The following ZNF347 variants were observed in gnomAD, a reference collection of about 807,000 sequenced individuals.
ZNF347 encodes zinc finger protein 347.
ZNF347 carries 19 observed loss-of-function variants against 12.9 expected under a neutral mutation model. The ratio of observed to expected loss-of-function variants is 1.47; its 90% CI spans 1.03 to 2.16. The LOEUF (loss-of-function observed/expected upper bound fraction) is 2.16, where lower values mean the gene tolerates loss of function less well. ZNF347 is among the 30% of genes most tolerant of loss of function. The probability of loss-of-function intolerance (pLI) is 0.00; values close to 1 mark genes in which losing one functional copy is unlikely to be tolerated. For missense variants in ZNF347, 1,005 were observed against 990.6 expected (o/e 1.01, Z -0.19); for synonymous variants, 328 against 340.6 (o/e 0.96, Z 0.41).
rs780816358 is a variant in ZNF347, at chr19:53,141,093, T to C, written c.1735A>G (p.Thr579Ala). 1 of 1,614,042 alleles carries C rather than the reference T, an allele frequency of 6.2e-7. No individual in the cohort carries two copies. Among genetic ancestry groups the C allele is most frequent in the South Asian group, 1.1e-5 (1 of 91,080 alleles). The part of the protein sequence containing the change: ...YKCNECGKVF[T>A]QNSHLARHRG... ...TGTCTTGCAAGGTGTGAATTCTGAG[T>C]GAAGACCTTGCCACACTCATTACAT... Residue 579 changes from threonine to alanine, a missense_variant, in exon 5 of 5, where the codon ACT becomes GCT. By Grantham distance (58) the Thr-to-Ala change is moderately conservative. Coordinates refer to ENST00000334197, the MANE Select transcript of ZNF347 (RefSeq NM_032584.3).
Position 53,141,211 on chromosome 19 carries a change from C to A in ZNF347, c.1617G>T (p.Lys539Asn). The change falls in exon 5 of 5, where the codon AAG becomes AAT. Residue 539 changes from lysine (K) to asparagine (N), a missense_variant. By Grantham distance (94) the Lys-to-Asn change is moderately conservative (BLOSUM62 0). Transcript: ENST00000334197. Reference sequence around the variant, plus strand: ...TGCCGCACTCATTACACATATAAGGCTTCACTCCAGTATGAATTCTTTGAT... The same window carrying A: ...TGCCGCACTCATTACACATATAAGGATTCACTCCAGTATGAATTCTTTGAT... ...ANHQRIHTGV[K>N]PYMCNECGKA... 1 of 1,596,788 alleles carries A rather than the reference C, an allele frequency of 6.3e-7. No homozygotes were observed.
At position 53,140,065 on chromosome 19, in the gene ZNF347, T is replaced by C; in HGVS notation, c.*243A>G. On this transcript the variant is annotated 3_prime_UTR_variant, in exon 5 of 5. Coordinates refer to ENST00000334197, the MANE Select transcript of ZNF347 (RefSeq NM_032584.3). ...ACAGGCGCACGCCACCAGGCCTAGC[T>C]AATTGTGTACTTTTAGTAGAAATGG... 4.7e-6 allele frequency: 2 copies of C among 422,726 alleles called. No individual in the cohort carries two copies. The highest frequency in any genetic ancestry group is 8.3e-6 in the Non-Finnish European group (2 of 239,682). 26.2% of individuals were successfully genotyped at this position (422,726 alleles called of 1,614,324 possible). A position where few individuals can be genotyped will look rare whatever the true frequency, so the allele number is the denominator to read the frequency against.
In ZNF347 at chr19:53,153,798, G is replaced by T. The variant is rs564455918; in HGVS notation, c.-46-5C>A. The stretch of plus-strand genomic sequence containing the variant: ...CCTCTTCTTCAAGGGTTCTTCCTTA[G>T]GTAACAGGAAAGTGCCTTTAGAAGT... On this transcript the variant is annotated splice_region_variant and splice_polypyrimidine_tract_variant and intron_variant, in intron 1 of 4. Coordinates refer to ENST00000334197, the MANE Select transcript of ZNF347 (RefSeq NM_032584.3). 4 of 1,613,234 alleles carry T rather than the reference G, an allele frequency of 2.5e-6. No homozygotes were observed. Among genetic ancestry groups the T allele is most frequent in the Non-Finnish European group, 3.4e-6 (4 of 1,179,358 alleles).
At position 53,136,904 on chromosome 19, in the gene ZNF347, T is replaced by C. The variant is rs1039890931; in HGVS notation, c.*3404A>G. On this transcript the variant is annotated 3_prime_UTR_variant, in exon 5 of 5. Transcript: ENST00000334197. ...AAGAAGTTAGAAATTTCTTTTGTTT[T>C]TTTGAGAGTCTCACTCTATTGCCCA... The C allele has an allele frequency of 3.9e-5, 6 of 152,166 alleles. No homozygotes were observed. The highest frequency in any genetic ancestry group is 8.8e-5 in the Non-Finnish European group (6 of 68,040). 9.4% of individuals were successfully genotyped at this position (152,166 alleles called of 1,614,324 possible).
At chr19:53,149,644 C>T (rs1251694774) in intron 2 of ZNF347, 2 of 441,154 alleles carry the variant, frequency 4.5e-6, no homozygotes, top group Admixed American at 4.1e-5. Flanking sequence ...AAGACCAAGG[C>T]TGGATTACAG....
intron 1 of ZNF347, among the ~76,000 whole-genome samples, chr19:53,156,749 G>A (rs1599862578): frequency 6.6e-6 from 1 of 152,182 alleles, no homozygotes; most frequent in Non-Finnish European, 1.5e-5. Context: ...ATAGCTGGTC[G>A]CTCAGAAGTT....
chr19:53,148,620 CAT>C (rs1169678388), intron 4 of ZNF347, 59 bp downstream of exon 4: 23 of 1,534,230 alleles, frequency 1.5e-5, no homozygotes, highest in Non-Finnish European at 2.6e-6. Context: ...CTCAGATTTG[CAT>C]AGAGTTTCCC....
chr19:53,146,267 G>A (rs1339823308), intron 4 of ZNF347, among the ~76,000 whole-genome samples: 1 of 151,984 alleles, frequency 6.6e-6, no homozygotes, highest in Non-Finnish European at 1.5e-5. Context: ...GAGCCACCGT[G>A]CCCGGCCTAA....
At chr19:53,149,589 C>A in intron 2 of ZNF347, 1 of 806,986 alleles carries the variant, frequency 1.2e-6, no homozygotes. Flanking sequence ...TGACTGGTGG[C>A]TGGAGGCCCC....
intron 2 of ZNF347, among the ~76,000 whole-genome samples, chr19:53,153,091 T>C (rs1434299216): frequency 6.6e-6 from 1 of 152,140 alleles, no homozygotes; most frequent in African/African-American, 2.4e-5. Context: ...CTCCATTGTA[T>C]GGGTTTTCTG....
rs142157721 is a variant in ZNF347, at chr19:53,148,743, T to C, written c.209A>G (p.Glu70Gly). The C allele has an allele frequency of 1.1e-5, 17 of 1,613,782 alleles. No individual in the cohort carries two copies. The highest frequency in any genetic ancestry group is 1.4e-5 in the Non-Finnish European group (17 of 1,179,686). ...GTTTCCTGCTATTTGTACTTGGCTC[T>C]CCAAAGTGAAAGGCTCCTTCCCTTG... ...LEQGKEPFTLESQVQIAGNPD... is the reference protein window; with the variant it reads ...LEQGKEPFTLGSQVQIAGNPD... Residue 70 changes from glutamate to glycine, a missense_variant, in exon 4 of 5, where the codon GAG (glutamate) becomes GGG (glycine). Coordinates refer to ENST00000334197, the MANE Select transcript of ZNF347 (RefSeq NM_032584.3).
At chr19:53,148,653 C>A (rs979459674) in intron 4 of ZNF347, 28 bp downstream of exon 4, 1 of 1,595,452 alleles carries the variant, frequency 6.3e-7, no homozygotes, top group African/African-American at 1.3e-5. Flanking sequence ...TAATAAACGG[C>A]ATTTTCTCTA....
rs141620710 is a variant in ZNF347 at position 53,140,444 on chromosome 19, C to T, written c.2384G>A (p.Cys795Tyr). The T allele has an allele frequency of 2.0e-4, 316 of 1,614,072 alleles. 3 individuals carry two copies. The East Asian group carries it at 4.1e-3, about 21-fold the overall frequency. Residue 795 changes from cysteine to tyrosine, a missense_variant, in exon 5 of 5, where the codon TGT (cysteine) becomes TAT (tyrosine). Physicochemically the swap from Cys to Tyr is radical, Grantham distance 194 (BLOSUM62 -2). Coordinates refer to ENST00000334197, the MANE Select transcript of ZNF347 (RefSeq NM_032584.3). Reference protein sequence around the residue: ...RIHTGEKPYECGKPFSICSSL... With the variant: ...RIHTGEKPYEYGKPFSICSSL... ...TGAACAGATACTAAAGGGTTTCCCA[C>T]ACTCATATGGTTTCTCTCCGGTATG...
intron 1 of ZNF347, 188 bp downstream of exon 1, chr19:53,158,821 T>TG (rs1268529795): frequency 7.1e-6 from 1 of 140,364 alleles, no homozygotes. Flanking sequence ...CGCTTGAACC[T>TG]GGGAGGCGGA....
chr19:53,141,769 G>C lies in ZNF347; in HGVS notation c.1059C>G (p.Val353=), dbSNP rs777755955. Residue 353 remains valine, a synonymous_variant, in exon 5 of 5, where the codon GTC becomes GTG. Transcript: ENST00000334197. ...KPYKCNECGK[V]FTQNSHLVRH... ...TTACAAGGTGTGAATTCTGAGTGAA[G>C]ACCTTGCCACATTCGTTACATTTAT... 5 of 1,613,720 alleles carry C rather than the reference G, an allele frequency of 3.1e-6. No homozygotes were observed. The highest frequency in any genetic ancestry group is 4.2e-6 in the Non-Finnish European group (5 of 1,179,820).
At position 53,149,456 on chromosome 19, in the gene ZNF347, G is replaced by T. The variant is rs937719789; in HGVS notation, c.16-89C>A. ...AGAAGACAGAATAGATTAAACTGGA[G>T]TAAGTGGGCCGATATCCAAGTTGTG... is the stretch of plus-strand genomic sequence containing the variant. On this transcript the variant is annotated intron_variant, in intron 2 of 4. Coordinates refer to ENST00000334197, the MANE Select transcript of ZNF347 (RefSeq NM_032584.3). 51 of 1,593,964 alleles carry T rather than the reference G, an allele frequency of 3.2e-5. No individual in the cohort carries two copies. The Middle Eastern group carries it at 5.0e-4, about 16-fold the overall frequency.
At position 53,157,955 on chromosome 19, in the gene ZNF347, T is replaced by G. The variant is rs73935255; in HGVS notation, c.-47+1054A>C. Among the ~76,000 whole-genome samples, 1,233 of 152,270 alleles carry G rather than the reference T, an allele frequency of 8.1e-3. 26 individuals are homozygous for G. Among genetic ancestry groups the G allele is most frequent in the African/African-American group, 0.028 (1,150 of 41,560 alleles). The stretch of plus-strand genomic sequence containing the variant: ...CCTTCTCTTACCATCTGCAAATCCC[T>G]CGCCCATCCTCTACTTTGCCATCTG... On this transcript the variant is annotated intron_variant, in intron 1 of 4. Coordinates refer to ENST00000334197, the MANE Select transcript of ZNF347 (RefSeq NM_032584.3).
At position 53,135,023 on chromosome 19, in the gene ZNF347, TAACAA is replaced by T. The variant is rs1390979194; in HGVS notation, c.*5280_*5284del. On this transcript the variant is annotated 3_prime_UTR_variant, in exon 5 of 5. Transcript: ENST00000334197. ...ACCATTTAAAAATTACAAGAGATAC[TAACAA>T]AATAGGTATAGATGGTGAGTAAAGG... The T allele has an allele frequency of 6.6e-6, 1 of 152,084 alleles. No individual in the cohort carries two copies. Among genetic ancestry groups the T allele is most frequent in the Non-Finnish European group, 1.5e-5 (1 of 68,022 alleles). The allele number at this position is 152,084 out of a possible 1,614,324, so 9.4% of individuals were successfully genotyped here.
At chr19:53,152,712 C>T (rs1235448481) in intron 2 of ZNF347, among the ~76,000 whole-genome samples, 1 of 151,946 alleles carries the variant, frequency 6.6e-6, no homozygotes, top group Non-Finnish European at 1.5e-5. Flanking sequence ...AGGTGGATCA[C>T]GAGGTCAGGA....
Sources: gnomAD v4.1 joint callset for allele counts (sites outside exome capture counted in the v4.1 genomes callset) on GRCh38, gnomAD v4.1.1 for gene constraint, MANE v1.5 for transcripts, NCBI Gene and HGNC (gene_info 2026-07-23, HGNC 2026-07-21) for gene names.